NCOR2: variants seen among roughly 807,000 people sequenced by gnomAD.
The protein encoded by NCOR2 is CTG repeat protein 26.
Under a neutral mutation model 262.9 loss-of-function variants are expected in NCOR2, and 81 were observed. The ratio of observed to expected loss-of-function variants is 0.31; its 90% CI spans 0.26 to 0.37. NCOR2 has a LOEUF of 0.37. Ranked by LOEUF, NCOR2 falls within the 10% of genes least tolerant of loss-of-function variation. The pLI is 1.00. For synonymous variants in NCOR2, 1,659 were observed against 1,559.3 expected (o/e 1.06, Z -1.51); for missense variants, 3,385 against 3,621.4 (o/e 0.93, Z 1.68).
intron 1 of NCOR2, among the ~76,000 whole-genome samples, chr12:124,505,436 A>G (rs2048992276): frequency 6.6e-6 from 1 of 151,546 alleles, no homozygotes; most frequent in Admixed American, 6.6e-5. Context: ...GGAGCTATGG[A>G]GGCTGTGGGC....
At chr12:124,451,049 C>T (rs1204106341) in intron 6 of NCOR2, among the ~76,000 whole-genome samples, 1 of 152,260 alleles carries the variant, frequency 6.6e-6, no homozygotes, top group East Asian at 1.9e-4. Flanking sequence ...CACCCATGAC[C>T]TTGCTGTGGC....
At position 124,345,083 on chromosome 12, in the gene NCOR2, G is replaced by C. The variant is rs139534862; in HGVS notation, c.4360-132C>G. The C allele has an allele frequency of 1.2e-4, 101 of 819,560 alleles. 2 individuals carry two copies. The South Asian group carries it at 1.8e-3, about 15-fold the overall frequency. 50.8% of individuals were successfully genotyped at this position (819,560 alleles called of 1,614,324 possible). A position where few individuals can be genotyped will look rare whatever the true frequency, so the allele number is the denominator to read the frequency against. ...GACATCTGATGCCTCCAGAGGCAGGGAGACAGAGGGCTTTGCTAACCCTGA... is the reference window on the plus strand; with the variant it reads ...GACATCTGATGCCTCCAGAGGCAGGCAGACAGAGGGCTTTGCTAACCCTGA... On this transcript the variant is annotated intron_variant, in intron 31 of 46. Coordinates refer to ENST00000405201, the Ensembl canonical transcript of NCOR2.
intron 1 of NCOR2, among the ~76,000 whole-genome samples, chr12:124,558,096 C>T (rs2051942585): frequency 6.6e-6 from 1 of 152,196 alleles, no homozygotes; most frequent in Non-Finnish European, 1.5e-5. Context: ...TATAGCCACA[C>T]TGGGGCCCAT....
At chr12:124,325,386 C>CCCCCA (rs767845044) in exon 47 of NCOR2, 4 of 589,828 alleles carry the variant, frequency 6.8e-6, no homozygotes, top group East Asian at 7.7e-5. Context: ...CGCCCCCCCC[C>CCCCCA]CCGCCCTGTT....
At chr12:124,325,558 G>A in exon 47 of NCOR2, 7 of 1,318,852 alleles carry the variant, frequency 5.3e-6, no homozygotes, top group Non-Finnish European at 5.9e-6. Context: ...GCATGATCAG[G>A]GGGTTGTAGG....
At chr12:124,544,415 G>A (rs1366186803) in intron 1 of NCOR2, among the ~76,000 whole-genome samples, 1 of 152,254 alleles carries the variant, frequency 6.6e-6, no homozygotes, top group Non-Finnish European at 1.5e-5. Context: ...CCGCCCAGGA[G>A]CAGGGTCTGG....
At position 124,372,308 on chromosome 12, in the gene NCOR2, C is replaced by T. The variant is rs981696281; in HGVS notation, c.2521G>A (p.Glu841Lys). The T allele has an allele frequency of 2.3e-5, 35 of 1,530,000 alleles. No individual in the cohort carries two copies. The highest frequency in any genetic ancestry group is 2.9e-5 in the Non-Finnish European group (33 of 1,142,432). 94.8% of individuals were successfully genotyped at this position (1,530,000 alleles called of 1,614,324 possible). Residue 841 changes from glutamate to lysine, a missense_variant, in exon 20 of 47, where the codon GAG becomes AAG. Coordinates refer to ENST00000405201, the Ensembl canonical transcript of NCOR2. The stretch of plus-strand genomic sequence containing the variant: ...TCAGCCGCGGGGGGCTTCTGCTCCT[C>T]CCCCTCCTCCACTGGGGGCGCTGCT...
exon 47 of NCOR2, chr12:124,324,837 C>T (rs1181340359): frequency 6.6e-6 from 1 of 152,560 alleles, no homozygotes; most frequent in African/African-American, 2.4e-5. Context: ...CCAGGCCGCA[C>T]CTGGCCCTTT....
At chr12:124,458,334 C>A (rs1203334684) in intron 5 of NCOR2, among the ~76,000 whole-genome samples, 1 of 152,208 alleles carries the variant, frequency 6.6e-6, no homozygotes, top group African/African-American at 2.4e-5. Context: ...GAGGGCGTGG[C>A]AGGCCAGCAT....
intron 41 of NCOR2, among the ~76,000 whole-genome samples, chr12:124,333,943 T>TGGGTGTGCACGTGTGTGTGTGC (rs2035593711): frequency 6.8e-6 from 1 of 148,046 alleles, no homozygotes; most frequent in Non-Finnish European, 1.5e-5. Context: ...CGCATGTGTG[T>TGGGTGTGCACGTGTGTGTGTGC]GGGTGTGCAC....
chr12:124,386,412 G>C (rs756288908), intron 16 of NCOR2, among the ~76,000 whole-genome samples: 55 of 152,076 alleles, frequency 3.6e-4, no homozygotes, highest in Non-Finnish European at 5.9e-4. Context: ...GAGGGTGGAA[G>C]TCAGGGTGGG....
intron 6 of NCOR2, among the ~76,000 whole-genome samples, chr12:124,451,042 C>T (rs2045493503): frequency 2.0e-5 from 3 of 152,254 alleles, no homozygotes; most frequent in Admixed American, 2.0e-4. Flanking sequence ...CTGTAACCAC[C>T]CATGACCTTG....
intron 19 of NCOR2, among the ~76,000 whole-genome samples, chr12:124,373,967 G>A (rs1022932665): frequency 6.6e-6 from 1 of 151,746 alleles, no homozygotes; most frequent in Non-Finnish European, 1.5e-5. Context: ...GCAGGAGCGC[G>A]ATCTGTGCTG....
rs1020857697 is a variant in NCOR2 at position 124,443,275 on chromosome 12, C to A, written c.816-5279G>T. Among the ~76,000 whole-genome samples, 2 of 152,286 alleles carry A rather than the reference C, an allele frequency of 1.3e-5. No individual in the cohort carries two copies. Among genetic ancestry groups the A allele is most frequent in the South Asian group, 4.1e-4 (2 of 4,824 alleles). On this transcript the variant is annotated intron_variant, in intron 7 of 46. Coordinates refer to ENST00000405201, the Ensembl canonical transcript of NCOR2. The surrounding 1 kb of genome is among the most constrained non-coding windows in gnomAD (Gnocchi z 4.4). ...GATGTGCATGCAGCCGTCTGTTTGC[C>A]ACCGATGGGCAGCAACTGAGGGTGT...
intron 16 of NCOR2, among the ~76,000 whole-genome samples, chr12:124,388,263 G>A (rs1244724399): frequency 6.6e-6 from 1 of 152,158 alleles, no homozygotes; most frequent in African/African-American, 2.4e-5. Flanking sequence ...CATTAGTGCC[G>A]GCCAGGGCTG....
intron 6 of NCOR2, 121 bp from the exon 9 acceptor site, chr12:124,449,988 C>G: frequency 4.1e-6 from 4 of 982,520 alleles, no homozygotes; most frequent in African/African-American, 1.6e-5. Flanking sequence ...GGCTCAGCCG[C>G]AGGCAGGCAT....
intron 16 of NCOR2, among the ~76,000 whole-genome samples, chr12:124,394,340 C>A (rs1399458544): frequency 2.0e-5 from 3 of 152,208 alleles, no homozygotes; most frequent in Non-Finnish European, 1.5e-5. Flanking sequence ...CTGCTTGTAG[C>A]TACAAAGTGA....
At chr12:124,494,857 C>T (rs187490357) in intron 1 of NCOR2, among the ~76,000 whole-genome samples, 4 of 152,236 alleles carry the variant, frequency 2.6e-5, no homozygotes, top group African/African-American at 4.8e-5. Flanking sequence ...ACAGCAGGAG[C>T]TCCACATTCG....
At chr12:124,327,617 T>C in exon 45 of NCOR2, 1 of 1,608,818 alleles carries the variant, frequency 6.2e-7, no homozygotes, top group Non-Finnish European at 8.5e-7. Context: ...CCGCCTGGCT[T>C]CTATAGGTCA....
Sources: allele counts gnomAD v4.1 joint callset (sites outside exome capture counted in the v4.1 genomes callset), GRCh38; gene constraint gnomAD v4.1.1; non-coding constraint Gnocchi (gnomAD v3.1); transcripts MANE v1.5; gene names NCBI Gene and HGNC (gene_info 2026-07-23, HGNC 2026-07-21).